WDR11: variants seen among roughly 807,000 people sequenced by gnomAD.
WDR11 encodes WD repeat domain 11.
In WDR11, 83 loss-of-function variants were observed where a neutral mutation model predicts 151.2. The ratio of observed to expected loss-of-function variants is 0.55; its 90% CI spans 0.46 to 0.66. WDR11 has a LOEUF of 0.66. Among genes scored for constraint, WDR11 ranks in the 30% least tolerant of loss-of-function variants. The pLI, the probability that WDR11 is intolerant of heterozygous loss-of-function variation, is 0.00. For missense variants in WDR11, 1,301 were observed against 1,480.9 expected, an observed-to-expected ratio of 0.88 and a Z score of 1.99; for synonymous variants, 484 against 533.1, an observed-to-expected ratio of 0.91 and a Z score of 1.27.
chr10:120,908,795 G>C lies in WDR11; in HGVS notation c.*82G>C. 1.3e-6 allele frequency: 2 copies of C among 1,487,228 alleles called. No homozygotes were observed. The highest frequency in any genetic ancestry group is 1.9e-6 in the Non-Finnish European group (2 of 1,068,276). The allele number at this position is 1,487,228 out of a possible 1,614,324, so 92.1% of individuals were successfully genotyped here. A position where few individuals can be genotyped will look rare whatever the true frequency, so the allele number is the denominator to read the frequency against. On this transcript the variant is annotated 3_prime_UTR_variant, in exon 29 of 29. Coordinates refer to ENST00000263461, the MANE Select transcript of WDR11 (RefSeq NM_018117.12). Reference sequence around the variant, plus strand: ...TGGCTGTGGCCACCGTCACAGTCCAGGATGAAGAGGAGTACAGGGTCCTGT... The same window carrying C: ...TGGCTGTGGCCACCGTCACAGTCCACGATGAAGAGGAGTACAGGGTCCTGT...
chr10:120,853,318 T>A (rs1310851353), intron 2 of WDR11, among the ~76,000 whole-genome samples: 2 of 151,510 alleles, frequency 1.3e-5, no homozygotes, highest in Non-Finnish European at 2.9e-5. Flanking sequence ...CAGGCTGGAG[T>A]GCAGTGGCAT....
At chr10:120,887,227 T>C (rs1464705090) in intron 16 of WDR11, among the ~76,000 whole-genome samples, 4 of 152,190 alleles carry the variant, frequency 2.6e-5, no homozygotes, top group African/African-American at 9.7e-5. Context: ...CCTGAAGGAT[T>C]TGACTTACAA....
At chr10:120,863,424 A>G (rs1213023969) in intron 5 of WDR11, among the ~76,000 whole-genome samples, 1 of 152,164 alleles carries the variant, frequency 6.6e-6, no homozygotes, top group Non-Finnish European at 1.5e-5. Flanking sequence ...TCTTACTCAA[A>G]TTTCTCTCTC....
chr10:120,856,549 TC>T (rs1845952273), intron 2 of WDR11, among the ~76,000 whole-genome samples: 1 of 125,008 alleles, frequency 8.0e-6, no homozygotes, highest in African/African-American at 3.1e-5. Flanking sequence ...CACTCCAGCC[TC>T]GGCAACAGAA....
intron 6 of WDR11, among the ~76,000 whole-genome samples, 165 bp downstream of exon 6, chr10:120,865,377 T>C (rs1846277552): frequency 6.6e-6 from 1 of 152,186 alleles, no homozygotes; most frequent in Non-Finnish European, 1.5e-5. Context: ...TCTGCACTTT[T>C]GATTGGTTTG....
In WDR11 at chr10:120,858,671, A is replaced by T. The variant is rs1307851367; in HGVS notation, c.227A>T (p.His76Leu). 1 of 1,614,120 alleles carries T rather than the reference A, an allele frequency of 6.2e-7. No individual in the cohort carries two copies. Among genetic ancestry groups the T allele is most frequent in the African/African-American group, 1.3e-5 (1 of 74,948 alleles). The change falls in exon 3 of 29, where the codon CAT becomes CTT. Residue 76 changes from histidine to leucine, a missense_variant. His to Leu is a moderately conservative substitution (Grantham distance 99). Transcript: ENST00000263461. Reference protein sequence around the residue: ...KVKWARENYHHNIGSPYCLRL... With the variant: ...KVKWARENYHLNIGSPYCLRL... ...AAATGGGCCAGGGAAAACTATCACCATAACATTGGCTCACCATATTGCTTA... is the reference window on the plus strand; with the variant it reads ...AAATGGGCCAGGGAAAACTATCACCTTAACATTGGCTCACCATATTGCTTA...
chr10:120,886,617 A>C, intron 15 of WDR11, 72 bp from the exon 16 acceptor site: 4 of 1,568,580 alleles, frequency 2.6e-6, no homozygotes, highest in South Asian at 2.3e-5. Flanking sequence ...TACTTTGGGC[A>C]AGTTAATTAA....
chr10:120,898,408 T>C (rs1050670927), intron 19 of WDR11, among the ~76,000 whole-genome samples: 1 of 152,242 alleles, frequency 6.6e-6, no homozygotes, highest in Non-Finnish European at 1.5e-5. Flanking sequence ...TAATCACTTT[T>C]TAAGTTTAAA....
In WDR11 at chr10:120,865,071, T is replaced by C. The variant is rs1395504175; in HGVS notation, c.738T>C (p.Asp246=). The C allele has an allele frequency of 6.2e-7, 1 of 1,613,948 alleles. No homozygotes were observed. The highest frequency in any genetic ancestry group is 8.5e-7 in the Non-Finnish European group (1 of 1,179,848). ...KPSAEFITLN[D]CLQLAYLPSK... Reference sequence around the variant, plus strand: ...GTGCTGAATTCATAACTCTCAATGATTGCCTTCAGTTGGCATACCTGCCTT... The same window carrying C: ...GTGCTGAATTCATAACTCTCAATGACTGCCTTCAGTTGGCATACCTGCCTT... Residue 246 remains aspartate, a synonymous_variant, in exon 6 of 29, where the codon GAT becomes GAC. Transcript: ENST00000263461.
chr10:120,871,170 G>A lies in WDR11; in HGVS notation c.1295G>A (p.Gly432Glu). ...LPDLSLDNMI[G>E]QSAIAGEEHP... ...ATTTGTTATTTTTATTACAAATCAGGGCAAAGTGCAATTGCTGGGGAAGAA... is the reference window on the plus strand; with the variant it reads ...ATTTGTTATTTTTATTACAAATCAGAGCAAAGTGCAATTGCTGGGGAAGAA... Residue 432 changes from glycine (G) to glutamate (E), a missense_variant and splice_region_variant, in exon 10 of 29, where the codon GGG becomes GAG. Gly to Glu is a moderately conservative substitution (Grantham distance 98, BLOSUM62 -2). Around this residue, in one of 3 missense-constraint regions of WDR11, gnomAD observed 692 missense variants for 762.5 expected, o/e 0.91. Transcript: ENST00000263461. 1.2e-6 allele frequency: 2 copies of A among 1,613,896 alleles called. No homozygotes were observed. The highest frequency in any genetic ancestry group is 2.2e-5 in the East Asian group (1 of 44,866).
intron 19 of WDR11, among the ~76,000 whole-genome samples, chr10:120,894,950 A>T (rs115527983): frequency 0.011 from 1,707 of 152,222 alleles, 32 homozygotes; most frequent in African/African-American, 0.037. Flanking sequence ...GGTCACTTTC[A>T]GTTTGTTCAT....
intron 28 of WDR11, 24 bp from the exon 29 acceptor site, chr10:120,908,529 CTCT>C (rs1275310539): frequency 6.2e-7 from 1 of 1,613,654 alleles, no homozygotes; most frequent in Non-Finnish European, 8.5e-7. Context: ...GCCCTTTTTA[CTCT>C]TCTTTTCCTT....
intron 15 of WDR11, 72 bp from the exon 16 acceptor site, chr10:120,886,617 A>G (rs1272470949): frequency 2.8e-5 from 44 of 1,568,464 alleles, no homozygotes; most frequent in Non-Finnish European, 3.7e-5. Flanking sequence ...TACTTTGGGC[A>G]AGTTAATTAA....
intron 13 of WDR11, among the ~76,000 whole-genome samples, chr10:120,882,547 T>TTGTTTTG (rs1029416981): frequency 1.3e-5 from 2 of 150,068 alleles, no homozygotes; most frequent in East Asian, 3.9e-4. Context: ...CAGTTTTGTT[T>TTGTTTTG]TTTTTTTTCA....
At chr10:120,860,535 A>G (rs1003901240) in intron 4 of WDR11, among the ~76,000 whole-genome samples, 1 of 152,214 alleles carries the variant, frequency 6.6e-6, no homozygotes, top group Non-Finnish European at 1.5e-5. Flanking sequence ...TGTGAATAGT[A>G]TTAGACTAGC....
chr10:120,888,726 G>T (rs762055087), intron 16 of WDR11, among the ~76,000 whole-genome samples: 3 of 152,190 alleles, frequency 2.0e-5, no homozygotes, highest in Non-Finnish European at 4.4e-5. Context: ...TTTGCAGTGA[G>T]AGATAAGTTT....
intron 9 of WDR11, among the ~76,000 whole-genome samples, chr10:120,869,027 C>T (rs1397836016): frequency 6.6e-6 from 1 of 150,676 alleles, no homozygotes; most frequent in Non-Finnish European, 1.5e-5. Flanking sequence ...CACACAAGAA[C>T]AGCACTAATC....
rs1848183222 is a variant in WDR11 at position 120,908,958 on chromosome 10, A to G, written c.*245A>G. 5 of 515,806 alleles carry G rather than the reference A, an allele frequency of 9.7e-6. 1 individual carries two copies. In the South Asian group the frequency reaches 1.2e-4, roughly 13 times the overall value. 32.0% of individuals were successfully genotyped at this position (515,806 alleles called of 1,614,324 possible). A position where few individuals can be genotyped will look rare whatever the true frequency, so the allele number is the denominator to read the frequency against. On this transcript the variant is annotated 3_prime_UTR_variant, in exon 29 of 29. Coordinates refer to ENST00000263461, the MANE Select transcript of WDR11 (RefSeq NM_018117.12). ...ATTTTGAAAGTACATAATATTTTATACTTTGGGAGAGAGCTTTAAGAGTCC... is the reference window on the plus strand; with the variant it reads ...ATTTTGAAAGTACATAATATTTTATGCTTTGGGAGAGAGCTTTAAGAGTCC...
chr10:120,879,504 A>AAAG (rs1846923113), intron 12 of WDR11: 1 of 152,230 alleles, frequency 6.6e-6, no homozygotes, highest in Non-Finnish European at 1.5e-5. Flanking sequence ...GACTTAAAAA[A>AAAG]AAGAAAAAAA....
Sources: allele counts gnomAD v4.1 joint callset (sites outside exome capture counted in the v4.1 genomes callset), GRCh38; gene constraint gnomAD v4.1.1; regional missense constraint gnomAD v4.1.1; transcripts MANE v1.5; gene names NCBI Gene and HGNC (gene_info 2026-07-23, HGNC 2026-07-21).